The following ARFGEF1 variants were observed in gnomAD, a reference collection of about 807,000 sequenced individuals.
ARFGEF1 encodes ARF guanine nucleotide exchange factor 1.
Under a neutral mutation model 231.0 loss-of-function variants are expected in ARFGEF1, and 42 were observed. The observed-to-expected ratio is 0.18, with a 90% CI of 0.14 to 0.24. The LOEUF (loss-of-function observed/expected upper bound fraction) is 0.24. Among genes scored for constraint, ARFGEF1 ranks in the 10% least tolerant of loss-of-function variants. The pLI is 1.00. For missense variants in ARFGEF1, 1,345 were observed against 2,192.0 expected, an observed-to-expected ratio of 0.61 and a Z score of 7.72; for synonymous variants, 710 against 732.3, an observed-to-expected ratio of 0.97 and a Z score of 0.49.
At chr8:67,209,920 A>G (rs1369478067) in intron 34 of ARFGEF1, among the ~76,000 whole-genome samples, 1 of 151,964 alleles carries the variant, frequency 6.6e-6, no homozygotes, top group Non-Finnish European at 1.5e-5. Flanking sequence ...TGGGAGGCCA[A>G]GCCGGGTGGA....
chr8:67,220,193 TA>T (rs1839099335), intron 29 of ARFGEF1, among the ~76,000 whole-genome samples: 1 of 152,230 alleles, frequency 6.6e-6, no homozygotes, highest in Non-Finnish European at 1.5e-5. Context: ...AGCTTTTGAG[TA>T]AGTGTTAAAA....
At position 67,238,211 on chromosome 8, in the gene ARFGEF1, T is replaced by C; in HGVS notation, c.3289+132A>G. ...CAAAAAAGATTTAGTTCCTTAGTCA[T>C]CTTGCTTTTTCTCATAAGGTTAGAC... On this transcript the variant is annotated intron_variant, in intron 22 of 38. Coordinates refer to ENST00000262215, the MANE Select transcript of ARFGEF1 (RefSeq NM_006421.5). The C allele has an allele frequency of 4.4e-6, 4 of 910,554 alleles. No individual in the cohort carries two copies. In the South Asian group the frequency reaches 6.8e-5, roughly 15 times the overall value. 56.4% of individuals were successfully genotyped at this position (910,554 alleles called of 1,614,324 possible).
intron 23 of ARFGEF1, among the ~76,000 whole-genome samples, chr8:67,232,594 A>T (rs912213757): frequency 6.6e-6 from 1 of 152,022 alleles, no homozygotes; most frequent in Non-Finnish European, 1.5e-5. Flanking sequence ...ATTCTTTTCC[A>T]TCGAGGTTAC....
intron 5 of ARFGEF1, among the ~76,000 whole-genome samples, chr8:67,295,993 A>C (rs993850764): frequency 2.0e-5 from 3 of 152,228 alleles, no homozygotes; most frequent in South Asian, 4.1e-4. Context: ...GAAGCAGTTC[A>C]AAGTATAAGG....
intron 1 of ARFGEF1, among the ~76,000 whole-genome samples, chr8:67,315,137 A>G (rs1402262150): frequency 6.6e-6 from 1 of 152,266 alleles, no homozygotes. Context: ...CAGATAAAGT[A>G]GAACTGAAAA....
At chr8:67,286,658 C>A (rs532658136) in intron 7 of ARFGEF1, among the ~76,000 whole-genome samples, 6 of 152,110 alleles carry the variant, frequency 3.9e-5, no homozygotes, top group Non-Finnish European at 5.9e-5. Flanking sequence ...AAAGAATGCA[C>A]GGGCATGTAC....
At chr8:67,220,011 G>A (rs1334199815) in intron 29 of ARFGEF1, among the ~76,000 whole-genome samples, 3 of 152,128 alleles carry the variant, frequency 2.0e-5, no homozygotes, top group African/African-American at 7.2e-5. Flanking sequence ...CCTTATTCAT[G>A]CAACATCCCT....
chr8:67,204,274 A>AC (rs1838434364), intron 35 of ARFGEF1, among the ~76,000 whole-genome samples: 1 of 152,190 alleles, frequency 6.6e-6, no homozygotes, highest in Non-Finnish European at 1.5e-5. Context: ...CCAAACAGTT[A>AC]GAGGGCAATT....
chr8:67,225,787 T>C (rs190921869), intron 28 of ARFGEF1, among the ~76,000 whole-genome samples: 2 of 152,158 alleles, frequency 1.3e-5, no homozygotes, highest in African/African-American at 2.4e-5. Flanking sequence ...ATAAAGCCAT[T>C]AGAAGATTAA....
Position 67,203,158 on chromosome 8 carries a change from A to G in ARFGEF1, c.5053T>C (p.Cys1685Arg). 1 of 1,614,218 alleles carries G rather than the reference A, an allele frequency of 6.2e-7. No individual in the cohort carries two copies. Among genetic ancestry groups the G allele is most frequent in the Non-Finnish European group, 8.5e-7 (1 of 1,180,016 alleles). ...GCAAATCTATGTGACTCTAATAAGC[A>G]GTCCAGTAGCTTAAAAAGTTGTTGT... is the stretch of plus-strand genomic sequence containing the variant. Reference protein sequence around the residue: ...TSQQLFKLLDCLLESHRFAKA... With the variant: ...TSQQLFKLLDRLLESHRFAKA... The change falls in exon 36 of 39, where the codon TGC becomes CGC. Residue 1685 changes from cysteine (C) to arginine (R), a missense_variant. This residue lies in a region of ARFGEF1 where 161 missense variants were observed against 284.9 expected (regional missense o/e 0.57). Coordinates refer to ENST00000262215, the MANE Select transcript of ARFGEF1 (RefSeq NM_006421.5).
chr8:67,201,733 C>CA (rs1838336286), intron 36 of ARFGEF1, 128 bp from the exon 37 acceptor site: 2 of 1,239,068 alleles, frequency 1.6e-6, no homozygotes, highest in African/African-American at 1.5e-5. Context: ...AACGGAGCCA[C>CA]AGCAGCCTGA....
rs1806395196 is a variant in ARFGEF1, at chr8:67,299,769, G to A, written c.313-414C>T. ...GTGGACTGCTTGAGCTTAGGAGTTC[G>A]AGGCCAGCTGGCAACACAGGGAAAG... On this transcript the variant is annotated intron_variant, in intron 3 of 38. Transcript: ENST00000262215. Among the ~76,000 whole-genome samples, 3 of 152,168 alleles carry A rather than the reference G, an allele frequency of 2.0e-5. No individual in the cohort carries two copies. The South Asian group carries it at 6.2e-4, about 32-fold the overall frequency.
At chr8:67,240,815 A>G (rs1440900379) in intron 19 of ARFGEF1, among the ~76,000 whole-genome samples, 2 of 152,232 alleles carry the variant, frequency 1.3e-5, no homozygotes, top group Admixed American at 1.3e-4. Context: ...CAATATTTAA[A>G]AAGTAGTTAA....
chr8:67,311,275 CGGGA>C (rs1807028365), intron 1 of ARFGEF1, among the ~76,000 whole-genome samples: 1 of 132,512 alleles, frequency 7.5e-6, no homozygotes, highest in Non-Finnish European at 1.6e-5. Context: ...CCGCCCCGTC[CGGGA>C]GGGAGGTGGG....
chr8:67,271,450 A>G (rs1019530268), intron 10 of ARFGEF1, among the ~76,000 whole-genome samples: 2 of 152,342 alleles, frequency 1.3e-5, no homozygotes, highest in Middle Eastern at 3.4e-3. Flanking sequence ...AGCAAGAACC[A>G]TTTATTCAAC....
At chr8:67,281,408 G>A (rs765809538) in intron 7 of ARFGEF1, among the ~76,000 whole-genome samples, 19 of 151,914 alleles carry the variant, frequency 1.3e-4, no homozygotes, top group African/African-American at 3.4e-4. Flanking sequence ...ACACAGTCAC[G>A]TATATACAAA....
Position 67,219,525 on chromosome 8 carries a change from T to A in ARFGEF1, c.4244A>T (p.Tyr1415Phe). The change falls in exon 30 of 39, where the codon TAT (tyrosine) becomes TTT (phenylalanine). Residue 1415 changes from tyrosine to phenylalanine, a missense_variant. Physicochemically the swap from Tyr to Phe is conservative, Grantham distance 22. Around this residue, in one of 14 missense-constraint regions of ARFGEF1, gnomAD observed 142 missense variants for 227.3 expected, o/e 0.62. Transcript: ENST00000262215. Reference sequence around the variant, plus strand: ...CCAGTGTTTCTCATAAGTGTGGCCATATGTTTTCATTATTTCAAACATTAC... The same window carrying A: ...CCAGTGTTTCTCATAAGTGTGGCCAAATGTTTTCATTATTTCAAACATTAC... The part of the protein sequence containing the change: ...LTVMFEIMKT[Y>F]GHTYEKHWWQ... The A allele has an allele frequency of 6.2e-7, 1 of 1,609,988 alleles. No individual in the cohort carries two copies. The highest frequency in any genetic ancestry group is 1.7e-5 in the Admixed American group (1 of 59,648).
At chr8:67,195,974 A>G (rs958252884), downstream of ARFGEF1, 13 of 176,308 alleles carry the variant, frequency 7.4e-5, no homozygotes, top group Non-Finnish European at 1.3e-4. Flanking sequence ...CCTCGATGCA[A>G]AAGAATTCAT....
At chr8:67,193,725 T>C (rs1349865831), downstream of ARFGEF1, 1 of 790,888 alleles carries the variant, frequency 1.3e-6, no homozygotes, top group Non-Finnish European at 2.0e-6. Context: ...TTGAGTTGTA[T>C]GGCCCAAGAC....
Sources: allele counts gnomAD v4.1 joint callset (sites outside exome capture counted in the v4.1 genomes callset), GRCh38; gene constraint gnomAD v4.1.1; regional missense constraint gnomAD v4.1.1; transcripts MANE v1.5; gene names NCBI Gene and HGNC (gene_info 2026-07-23, HGNC 2026-07-21).